Variants in THSD7B observed in about 807,000 individuals in gnomAD.
THSD7B encodes the protein thrombospondin type-1 domain-containing protein 7B.
In THSD7B, 138 loss-of-function variants were observed where a neutral mutation model predicts 213.6. The ratio of observed to expected loss-of-function variants is 0.65; its 90% confidence interval spans 0.56 to 0.74. The LOEUF is 0.74. Among genes scored for constraint, THSD7B ranks in the 30% least tolerant of loss-of-function variants. The pLI, the probability that THSD7B is intolerant of heterozygous loss-of-function variation, is 0.00. For synonymous variants in THSD7B, 742 were observed against 687.0 expected (o/e 1.08, Z -1.25); for missense variants, 1,931 against 1,991.5 (o/e 0.97, Z 0.58).
Position 136,860,824 on chromosome 2 carries a change from AG to A in THSD7B, c.-35-21319del, listed in dbSNP as rs1327615318. On this transcript the variant is annotated intron_variant, in intron 1 of 27. Transcript: ENST00000409968. ...AGCTCCCCAAATTACTCATAGTAAA[AG>A]CCAAAGTCATTACAGTGGACTGTAA... 8.5e-5 allele frequency among the ~76,000 whole-genome samples: 13 copies of A among 152,356 alleles called. No individual in the cohort carries two copies. The East Asian group carries it at 2.5e-3, about 29-fold the overall frequency.
At chr2:137,343,130 A>T (rs1346345385) in intron 12 of THSD7B, among the ~76,000 whole-genome samples, 31 of 117,782 alleles carry the variant, frequency 2.6e-4, no homozygotes, top group South Asian at 5.2e-4. Flanking sequence ...GGTTTGTTTT[A>T]TTTTTTTGCA....
chr2:137,540,714 TTTAGTC>T (rs1680594398), intron 15 of THSD7B, among the ~76,000 whole-genome samples: 1 of 151,694 alleles, frequency 6.6e-6, no homozygotes, highest in Non-Finnish European at 1.5e-5. Flanking sequence ...GAAACAGCTG[TTTAGTC>T]TAAAACACTC....
chr2:137,133,773 C>CCAAAT (rs1175739504), intron 5 of THSD7B, among the ~76,000 whole-genome samples: 2 of 152,142 alleles, frequency 1.3e-5, no homozygotes, highest in African/African-American at 4.8e-5. Flanking sequence ...AAAGGACTAT[C>CCAAAT]ATTTCAACAT....
At chr2:137,410,276 T>C (rs1331401957) in intron 13 of THSD7B, among the ~76,000 whole-genome samples, 1 of 152,074 alleles carries the variant, frequency 6.6e-6, no homozygotes. Flanking sequence ...TTCTTTTTTT[T>C]TTTCTTTTTT....
intron 1 of THSD7B, among the ~76,000 whole-genome samples, chr2:136,853,665 T>C (rs1444507053): frequency 6.6e-6 from 1 of 152,174 alleles, no homozygotes; most frequent in Non-Finnish European, 1.5e-5. Flanking sequence ...AACCTTCATT[T>C]ATCAGACTTG....
In THSD7B at chr2:136,831,447, T is replaced by A. The variant is rs151138495; in HGVS notation, c.-35-50697T>A. ...TAGCAGAGCTTGAGTTCCAACCTAA[T>A]CATCTGGCTTCAGATTTTTGGGCCT... is the stretch of plus-strand genomic sequence containing the variant. On this transcript the variant is annotated intron_variant, in intron 1 of 27. Coordinates refer to ENST00000409968, the MANE Select transcript of THSD7B (RefSeq NM_001316349.2). Among the ~76,000 whole-genome samples the A allele has an allele frequency of 6.4e-3, 976 of 152,318 alleles. 18 individuals are homozygous for A. Among genetic ancestry groups the A allele is most frequent in the African/African-American group, 0.022 (915 of 41,584 alleles).
intron 1 of THSD7B, among the ~76,000 whole-genome samples, chr2:136,833,024 G>A (rs1682780759): frequency 6.6e-6 from 1 of 152,000 alleles, no homozygotes; most frequent in Non-Finnish European, 1.5e-5. Flanking sequence ...TATTTGTGTT[G>A]GGTGATTATC....
intron 1 of THSD7B, among the ~76,000 whole-genome samples, chr2:136,770,226 A>G (rs538282315): frequency 3.3e-5 from 5 of 152,278 alleles, no homozygotes; most frequent in African/African-American, 1.2e-4. Flanking sequence ...GTTCTTTCAG[A>G]TGGTTATTTT....
At chr2:137,210,227 T>C (rs1207642343) in intron 7 of THSD7B, among the ~76,000 whole-genome samples, 1 of 152,106 alleles carries the variant, frequency 6.6e-6, no homozygotes, top group Non-Finnish European at 1.5e-5. Context: ...CAATGATGCC[T>C]GTCATCTAGG....
intron 4 of THSD7B, among the ~76,000 whole-genome samples, chr2:137,114,917 T>C (rs1419640175): frequency 6.6e-6 from 1 of 152,164 alleles, no homozygotes; most frequent in Non-Finnish European, 1.5e-5. Flanking sequence ...TCTTGTGCTA[T>C]TGTCATGATG....
At chr2:137,129,585 C>T (rs1688689691) in intron 5 of THSD7B, among the ~76,000 whole-genome samples, 1 of 151,682 alleles carries the variant, frequency 6.6e-6, no homozygotes, top group East Asian at 2.0e-4. Flanking sequence ...GACCACAGGC[C>T]CGTGCCACCA....
At chr2:136,827,720 C>T (rs574863793) in intron 1 of THSD7B, among the ~76,000 whole-genome samples, 5 of 151,422 alleles carry the variant, frequency 3.3e-5, no homozygotes, top group African/African-American at 1.2e-4. Context: ...AAGATGTAAC[C>T]ATTGGTTATC....
At chr2:137,098,591 G>A (rs1291657845) in intron 4 of THSD7B, among the ~76,000 whole-genome samples, 1 of 152,156 alleles carries the variant, frequency 6.6e-6, no homozygotes, top group African/African-American at 2.4e-5. Context: ...AGCAGGATTT[G>A]AGGAGGTAGG....
rs868299851 is a variant in THSD7B at position 136,890,544 on chromosome 2, T to C, written c.139+8227T>C. ...TCTTCTTCTTCTTCTTCTTCTTCTT[T>C]TTTTTTTTTTTTTAAGACGGAGTCT... On this transcript the variant is annotated intron_variant, in intron 2 of 27. Transcript: ENST00000409968. Among the ~76,000 whole-genome samples, 16 of 105,234 alleles carry C rather than the reference T, an allele frequency of 1.5e-4. 2 individuals are homozygous for C. The highest frequency in any genetic ancestry group is 2.0e-4 in the Non-Finnish European group (11 of 55,038). The allele number at this position is 105,234 out of a possible 152,430, so 69.0% of individuals were successfully genotyped here. A position where few individuals can be genotyped will look rare whatever the true frequency, so the allele number is the denominator to read the frequency against.
rs2104807073 is a variant in THSD7B at position 137,272,662 on chromosome 2, G to A, written c.2396G>A (p.Arg799Gln). Residue 799 changes from arginine (R) to glutamine (Q), a missense_variant and splice_region_variant, in exon 11 of 28, where the codon CGG becomes CAG. Coordinates refer to ENST00000409968, the MANE Select transcript of THSD7B (RefSeq NM_001316349.2). ...CEDVSLCPVYRWKPQKWSPCI... is the reference protein window; with the variant it reads ...CEDVSLCPVYQWKPQKWSPCI... ...GATGTTTCCTTGTGTCCTGTATATC[G>A]GCAAGTAGTTACCTTTTAAAATTAT... 8.1e-6 allele frequency: 13 copies of A among 1,610,364 alleles called. No homozygotes were observed. Among genetic ancestry groups the A allele is most frequent in the East Asian group, 2.2e-5 (1 of 44,754 alleles).
chr2:136,977,634 T>G (rs1685501166), intron 2 of THSD7B, among the ~76,000 whole-genome samples: 1 of 152,144 alleles, frequency 6.6e-6, no homozygotes, highest in Non-Finnish European at 1.5e-5. Context: ...TGCTTTTGGC[T>G]GTGTCTCAGA....
At chr2:137,436,476 T>C (rs1031687905) in intron 14 of THSD7B, among the ~76,000 whole-genome samples, 2 of 152,230 alleles carry the variant, frequency 1.3e-5, no homozygotes, top group Admixed American at 1.3e-4. Flanking sequence ...CTATTCTGTG[T>C]ATTAACTGCC....
intron 2 of THSD7B, among the ~76,000 whole-genome samples, chr2:136,991,679 T>C (rs1573753705): frequency 5.3e-5 from 8 of 152,294 alleles, no homozygotes; most frequent in Admixed American, 5.2e-4. Context: ...TGCTGTATAT[T>C]TATAAGGCAG....
intron 9 of THSD7B, among the ~76,000 whole-genome samples, chr2:137,240,871 T>C (rs1255597054): frequency 1.3e-5 from 2 of 152,168 alleles, no homozygotes; most frequent in African/African-American, 4.8e-5. Flanking sequence ...TTGTATACAC[T>C]TCCTGGGTTT....
Sources: gnomAD v4.1 joint callset for allele counts (sites outside exome capture counted in the v4.1 genomes callset) on GRCh38, gnomAD v4.1.1 for gene constraint, MANE v1.5 for transcripts, NCBI Gene and HGNC (gene_info 2026-07-23, HGNC 2026-07-21) for gene names.